Variants in TMTC2 observed in about 807,000 individuals in gnomAD.
TMTC2 encodes protein O-mannosyl-transferase TMTC2.
Under a neutral mutation model 82.4 loss-of-function variants are expected in TMTC2, and 43 were observed. That is an observed-to-expected ratio of 0.52 (90% CI 0.41 to 0.67). TMTC2 has a LOEUF of 0.67. TMTC2 is among the 30% of genes least tolerant of loss of function. TMTC2 has a pLI of 0.00. For synonymous variants in TMTC2, 408 were observed against 381.9 expected (o/e 1.07, Z -0.80); for missense variants, 919 against 1,012.4 (o/e 0.91, Z 1.25).
At position 82,895,902 on chromosome 12, in the gene TMTC2, G is replaced by A. The variant is rs1439230079; in HGVS notation, c.739G>A (p.Gly247Arg). The A allele has an allele frequency of 2.5e-6, 4 of 1,613,712 alleles. No homozygotes were observed. Among genetic ancestry groups the A allele is most frequent in the Non-Finnish European group, 3.4e-6 (4 of 1,179,984 alleles). Residue 247 changes from glycine (G) to arginine (R), a missense_variant, in exon 3 of 12, where the codon GGA (glycine) becomes AGA (arginine). By Grantham distance (125) the Gly-to-Arg change is moderately radical. Transcript: ENST00000321196. ...SLLGARLYWM[G>R]NKPPSFSNSD... is the part of the protein sequence containing the mutation. ...TTTGGGTGCCCGGTTATACTGGATG[G>A]GAAACAAACCACCAAGCTTTTCCAA... is the stretch of plus-strand genomic sequence containing the variant.
chr12:82,763,438 C>A (rs781434899), intron 1 of TMTC2, among the ~76,000 whole-genome samples: 2 of 152,196 alleles, frequency 1.3e-5, no homozygotes, highest in Non-Finnish European at 2.9e-5. Context: ...CACTTAAAAC[C>A]AACCACCCCA....
chr12:82,839,157 C>T (rs950351903), intron 1 of TMTC2, among the ~76,000 whole-genome samples: 2 of 152,058 alleles, frequency 1.3e-5, no homozygotes, highest in African/African-American at 4.8e-5. Flanking sequence ...GTGGTAAATG[C>T]GCTTAGAGAG....
At chr12:82,735,675 C>G (rs1363402585) in intron 1 of TMTC2, among the ~76,000 whole-genome samples, 1 of 142,574 alleles carries the variant, frequency 7.0e-6, no homozygotes, top group African/African-American at 2.5e-5. Context: ...AAGATGTATT[C>G]ATTTATCTTG....
chr12:82,975,351 T>C (rs899741670), intron 7 of TMTC2, among the ~76,000 whole-genome samples: 1 of 152,156 alleles, frequency 6.6e-6, no homozygotes, highest in African/African-American at 2.4e-5. Context: ...TCATTTAGTT[T>C]TAATTTTATC....
In TMTC2 at chr12:82,896,258, T is replaced by G; in HGVS notation, c.1095T>G (p.Thr365=). The G allele has an allele frequency of 6.2e-7, 1 of 1,614,098 alleles. No individual in the cohort carries two copies. Among genetic ancestry groups the G allele is most frequent in the Non-Finnish European group, 8.5e-7 (1 of 1,180,026 alleles). The change falls in exon 3 of 12, where the codon ACT becomes ACG. Residue 365 remains threonine (T), a synonymous_variant. Coordinates refer to ENST00000321196, the MANE Select transcript of TMTC2 (RefSeq NM_152588.3). The part of the protein sequence containing the change: ...LSDVEYQNSE[T]KSSFASKVEN... ...ATGTGGAGTACCAGAACTCAGAGAC[T>G]AAGTCCAGCTTTGCATCCAAAGTAG...
intron 2 of TMTC2, among the ~76,000 whole-genome samples, chr12:82,860,171 A>G (rs1376769399): frequency 7.0e-6 from 1 of 141,856 alleles, no homozygotes; most frequent in Non-Finnish European, 1.5e-5. Context: ...GCCAGGTTTC[A>G]CCATGTTGGC....
intron 2 of TMTC2, among the ~76,000 whole-genome samples, chr12:82,866,105 G>C (rs1364110884): frequency 1.3e-5 from 2 of 151,932 alleles, no homozygotes; most frequent in African/African-American, 2.4e-5. Context: ...AAAAGAACTA[G>C]AGAAGCAAGA....
At chr12:82,967,439 T>C (rs1251108628) in intron 7 of TMTC2, among the ~76,000 whole-genome samples, 1 of 152,162 alleles carries the variant, frequency 6.6e-6, no homozygotes, top group Non-Finnish European at 1.5e-5. Flanking sequence ...AGACAATAGA[T>C]ATGCTACAAC....
chr12:83,041,863 TG>T (rs1367933460), intron 9 of TMTC2, among the ~76,000 whole-genome samples: 2 of 152,216 alleles, frequency 1.3e-5, no homozygotes, highest in Non-Finnish European at 2.9e-5. Flanking sequence ...AATCTCAACA[TG>T]GCTCATCTTG....
chr12:82,970,248 A>T (rs912772022), intron 7 of TMTC2, among the ~76,000 whole-genome samples: 2 of 152,262 alleles, frequency 1.3e-5, no homozygotes, highest in African/African-American at 4.8e-5. Flanking sequence ...TAAAGTGATA[A>T]AAAAGGTAAA....
At chr12:83,047,279 T>C (rs967460986) in intron 9 of TMTC2, among the ~76,000 whole-genome samples, 2 of 152,192 alleles carry the variant, frequency 1.3e-5, no homozygotes, top group African/African-American at 2.4e-5. Flanking sequence ...TTGTTTCTTA[T>C]TGTTGCCCCA....
chr12:82,743,167 G>A (rs1231147284), intron 1 of TMTC2, among the ~76,000 whole-genome samples: 1 of 152,156 alleles, frequency 6.6e-6, no homozygotes, highest in African/African-American at 2.4e-5. Context: ...ATGTAGCTGG[G>A]CGCAGTGGCT....
chr12:82,729,471 G>T (rs1020776315), intron 1 of TMTC2, among the ~76,000 whole-genome samples: 1 of 152,306 alleles, frequency 6.6e-6, no homozygotes, highest in Admixed American at 6.5e-5. Flanking sequence ...CTCAGGGTTT[G>T]TGAATGCACC....
chr12:82,731,536 G>A (rs1270166729), intron 1 of TMTC2, among the ~76,000 whole-genome samples: 1 of 152,116 alleles, frequency 6.6e-6, no homozygotes, highest in African/African-American at 2.4e-5. Context: ...ATAGCTGTTT[G>A]TTCTTAACAA....
At chr12:83,095,113 A>C (rs1883977183) in intron 11 of TMTC2, among the ~76,000 whole-genome samples, 1 of 152,000 alleles carries the variant, frequency 6.6e-6, no homozygotes, top group Non-Finnish European at 1.5e-5. Flanking sequence ...AGGTTGGAGA[A>C]TTGTGTGTGT....
chr12:83,027,348 G>A (rs890473507), intron 8 of TMTC2, among the ~76,000 whole-genome samples: 2 of 152,052 alleles, frequency 1.3e-5, no homozygotes, highest in African/African-American at 4.8e-5. Context: ...CTTTATCCCT[G>A]GTTGGCTTAT....
At chr12:82,958,737 C>T (rs1261899499) in intron 4 of TMTC2, among the ~76,000 whole-genome samples, 1 of 151,882 alleles carries the variant, frequency 6.6e-6, no homozygotes, top group East Asian at 1.9e-4. Flanking sequence ...ACTAAGTGGA[C>T]AAAAACTGGA....
chr12:82,886,460 G>A (rs1174573700), intron 2 of TMTC2, among the ~76,000 whole-genome samples: 1 of 152,142 alleles, frequency 6.6e-6, no homozygotes, highest in African/African-American at 2.4e-5. Context: ...CTTTCTGATG[G>A]ATGCTTGAAC....
Position 83,111,945 on chromosome 12 carries a change from CA to C in TMTC2, c.2332-20253del, listed in dbSNP as rs371253481. Among the ~76,000 whole-genome samples the C allele has an allele frequency of 3.0e-3, 415 of 137,024 alleles. 1 individual carries two copies. The highest frequency in any genetic ancestry group is 9.3e-3 in the African/African-American group (350 of 37,638). The allele number at this position is 137,024 out of a possible 152,430, so 89.9% of individuals were successfully genotyped here. Reference sequence around the variant, plus strand: ...GCAACATGGCAAAACCTCGTCTCTACAAAAAAAAAAAACATCCAGGTATGGT... The same window carrying C: ...GCAACATGGCAAAACCTCGTCTCTACAAAAAAAAAAACATCCAGGTATGGT... On this transcript the variant is annotated intron_variant, in intron 11 of 11. Transcript: ENST00000321196.
Sources: allele counts gnomAD v4.1 joint callset (sites outside exome capture counted in the v4.1 genomes callset), GRCh38; gene constraint gnomAD v4.1.1; transcripts MANE v1.5; gene names NCBI Gene and HGNC (gene_info 2026-07-23, HGNC 2026-07-21).